PACS2: variants seen among roughly 807,000 people sequenced by gnomAD.
The protein encoded by PACS2 is PACS1-like protein.
In PACS2, 36 loss-of-function variants were observed where a neutral mutation model predicts 113.0. The ratio of observed to expected loss-of-function variants is 0.32; its 90% CI spans 0.24 to 0.42. The LOEUF (loss-of-function observed/expected upper bound fraction) is 0.42. Ranked by LOEUF, PACS2 falls within the 10% of genes least tolerant of loss-of-function variation. The pLI is 1.00. For synonymous variants in PACS2, 589 were observed against 536.1 expected, an observed-to-expected ratio of 1.10 and a Z score of -1.36; for missense variants, 1,015 against 1,239.5, an observed-to-expected ratio of 0.82 and a Z score of 2.72.
intron 1 of PACS2, among the ~76,000 whole-genome samples, chr14:105,341,881 C>T (rs587670883): frequency 6.6e-6 from 1 of 152,186 alleles, no homozygotes; most frequent in African/African-American, 2.4e-5. Flanking sequence ...CAAGCTGCGA[C>T]TTTTTCCTTC....
intron 2 of PACS2, among the ~76,000 whole-genome samples, chr14:105,350,753 T>C (rs1419407614): frequency 6.6e-6 from 1 of 152,128 alleles, no homozygotes; most frequent in East Asian, 1.9e-4. Context: ...TCCCTGCAGG[T>C]CCTCTGAGGG....
intron 1 of PACS2, among the ~76,000 whole-genome samples, chr14:105,301,655 C>G (rs1415747443): frequency 1.3e-5 from 2 of 152,262 alleles, no homozygotes; most frequent in African/African-American, 4.8e-5. Flanking sequence ...CCCCGCTATT[C>G]TCCGTTTTCT....
chr14:105,367,144 C>A, intron 4 of PACS2, 69 bp from the exon 5 acceptor site: 3 of 1,439,968 alleles, frequency 2.1e-6, no homozygotes, highest in Non-Finnish European at 1.9e-6. Flanking sequence ...GAAACCCCAG[C>A]CCACACATCA....
chr14:105,342,995 C>T (rs956591036), intron 1 of PACS2, among the ~76,000 whole-genome samples: 3 of 150,900 alleles, frequency 2.0e-5, no homozygotes, highest in Admixed American at 6.6e-5. Flanking sequence ...CACCTTTTTT[C>T]GTATGCAGCT....
rs782526998 is a variant in PACS2, at chr14:105,389,967, CGAA to C, written c.2043_2045del (p.Glu682del). On this transcript the variant is annotated inframe_deletion, in exon 20 of 25. Coordinates refer to ENST00000447393, the MANE Select transcript of PACS2 (RefSeq NM_001100913.3). Reference sequence around the variant, plus strand: ...TCTGTTTCCTTGCTCTTAGCCCTGACGAAGAGTCCTCCCAAAAGTTCATTCCCT... The same window carrying C: ...TCTGTTTCCTTGCTCTTAGCCCTGACGAGTCCTCCCAAAAGTTCATTCCCT... 1.8e-5 allele frequency: 29 copies of C among 1,613,702 alleles called. No homozygotes were observed. Among genetic ancestry groups the C allele is most frequent in the Non-Finnish European group, 2.2e-5 (26 of 1,179,774 alleles).
chr14:105,312,105 A>T (rs1044359614), upstream of PACS2, among the ~76,000 whole-genome samples: 1 of 152,166 alleles, frequency 6.6e-6, no homozygotes, highest in East Asian at 1.9e-4. Flanking sequence ...TGTCTGTGTC[A>T]TCTTAGCCCA....
In PACS2 at chr14:105,340,178, G is replaced by A. The variant is rs2059670855; in HGVS notation, c.120-8315G>A. Among the ~76,000 whole-genome samples the A allele has an allele frequency of 6.6e-6, 1 of 152,232 alleles. No individual in the cohort carries two copies. The highest frequency in any genetic ancestry group is 2.4e-5 in the African/African-American group (1 of 41,462). On this transcript the variant is annotated intron_variant, in intron 1 of 24. Coordinates refer to ENST00000447393, the MANE Select transcript of PACS2 (RefSeq NM_001100913.3). The surrounding 1 kb of genome is among the most constrained non-coding windows in gnomAD (Gnocchi z 4.2). Reference sequence around the variant, plus strand: ...AAGTATAAACATTGACTAATGGAATGTACCAGCAGAAACACATGCGATCGT... The same window carrying A: ...AAGTATAAACATTGACTAATGGAATATACCAGCAGAAACACATGCGATCGT...
At chr14:105,374,083 A>G (rs938453787) in intron 8 of PACS2, among the ~76,000 whole-genome samples, 16 of 151,332 alleles carry the variant, frequency 1.1e-4, no homozygotes, top group Non-Finnish European at 2.2e-4. Flanking sequence ...TGAACCTGGG[A>G]GGCAGAGGTT....
At chr14:105,379,864 C>G (rs782743053) in intron 10 of PACS2, 35 bp downstream of exon 10, 1 of 1,575,140 alleles carries the variant, frequency 6.3e-7, no homozygotes. Context: ...CAGAGCAGAC[C>G]GTGGTCTGAC....
intron 15 of PACS2, 107 bp from the exon 16 acceptor site, chr14:105,383,252 C>CG: frequency 2.3e-6 from 3 of 1,292,194 alleles, no homozygotes; most frequent in Non-Finnish European, 3.3e-6. Context: ...GTGGCATGAG[C>CG]GGCCACAGGC....
At position 105,385,716 on chromosome 14, in the gene PACS2, A is replaced by G. The variant is rs1555413452; in HGVS notation, c.2032A>G (p.Ser678Gly). The G allele has an allele frequency of 1.3e-6, 2 of 1,514,446 alleles. No homozygotes were observed. Among genetic ancestry groups the G allele is most frequent in the African/African-American group, 1.4e-5 (1 of 72,270 alleles). The allele number at this position is 1,514,446 out of a possible 1,614,324, so 93.8% of individuals were successfully genotyped here. ...GCATTTTCATTTTGACTTTACCCTAAGGTACGGCTCTGTGGGTCTGCCTCC... is the reference window on the plus strand; with the variant it reads ...GCATTTTCATTTTGACTTTACCCTAGGGTACGGCTCTGTGGGTCTGCCTCC... ...KKHFHFDFTL[S>G]PDEESSQKFI... is the part of the protein sequence containing the mutation. Residue 678 changes from serine to glycine, a missense_variant and splice_region_variant, in exon 19 of 25, where the codon AGC becomes GGC. Physicochemically the swap from Ser to Gly is moderately conservative, Grantham distance 56 (BLOSUM62 0). This residue lies in a region of PACS2 where 859 missense variants were observed against 1,056.8 expected (regional missense o/e 0.81). Coordinates refer to ENST00000447393, the MANE Select transcript of PACS2 (RefSeq NM_001100913.3).
intron 8 of PACS2, among the ~76,000 whole-genome samples, chr14:105,374,165 A>C (rs1438402797): frequency 6.6e-6 from 1 of 152,066 alleles, no homozygotes; most frequent in East Asian, 1.9e-4. Context: ...AAAAAAAAAA[A>C]AAAAAACTTG....
Position 105,355,505 on chromosome 14 carries a change from C to T in PACS2, c.423+328C>T, listed in dbSNP as rs1555405188. 6.6e-6 allele frequency among the ~76,000 whole-genome samples: 1 copy of T among 152,228 alleles called. No homozygotes were observed. Among genetic ancestry groups the T allele is most frequent in the East Asian group, 1.9e-4 (1 of 5,190 alleles). ...TGGAGTCCTTCCCATGGAGGAATCG[C>T]TGCTGTCCCCACACCACGGGTGCGT... On this transcript the variant is annotated intron_variant, in intron 4 of 24. Coordinates refer to ENST00000447393, the MANE Select transcript of PACS2 (RefSeq NM_001100913.3). This position sits in a 1 kb window ranked among gnomAD's most constrained non-coding sequence, Gnocchi z 4.1.
rs587743922 is a variant in PACS2, at chr14:105,357,928, C to T, written c.423+2751C>T. Among the ~76,000 whole-genome samples the T allele has an allele frequency of 7.9e-5, 12 of 152,106 alleles. No individual in the cohort carries two copies. The highest frequency in any genetic ancestry group is 6.2e-4 in the South Asian group (3 of 4,820). On this transcript the variant is annotated intron_variant, in intron 4 of 24. Coordinates refer to ENST00000447393, the MANE Select transcript of PACS2 (RefSeq NM_001100913.3). This position sits in a 1 kb window ranked among gnomAD's most constrained non-coding sequence, Gnocchi z 5.1. ...GGGTGGGGTGAGGCGGGCTGTTGGG[C>T]GGACTCGAGGCCAGGGCTGAGAGTG...
chr14:105,326,504 G>C (rs1159429313), intron 1 of PACS2, among the ~76,000 whole-genome samples: 3 of 152,266 alleles, frequency 2.0e-5, no homozygotes, highest in South Asian at 4.1e-4. Flanking sequence ...TGAGCACCAA[G>C]GAGAGGGATG....
At chr14:105,384,271 G>T (rs2081094763) in intron 16 of PACS2, 82 bp from the exon 17 acceptor site, 2 of 792,276 alleles carry the variant, frequency 2.5e-6, no homozygotes, top group Admixed American at 4.2e-5. Context: ...CTGGGGTCGG[G>T]TGGCCCAGCT....
chr14:105,394,093 C>A, intron 24 of PACS2: 1 of 424,202 alleles, frequency 2.4e-6, no homozygotes, highest in Non-Finnish European at 3.1e-6. Context: ...GTAACTGTTT[C>A]AGAAACGGAG....
Position 105,392,832 on chromosome 14 carries a change from G to C in PACS2, c.2469G>C (p.Glu823Asp). Residue 823 changes from glutamate (E) to aspartate (D), a missense_variant, in exon 23 of 25, where the codon GAG becomes GAC. By Grantham distance (45) the Glu-to-Asp change is conservative. Around this residue, in one of 3 missense-constraint regions of PACS2, gnomAD observed 859 missense variants for 1,056.8 expected, o/e 0.81. Transcript: ENST00000447393. ...PTMSMTVVTKEKNKKVMFLPK... is the reference protein window; with the variant it reads ...PTMSMTVVTKDKNKKVMFLPK... ...TGTCCATGACCGTGGTCACCAAGGAGAAGAACAAGAAGGGTGAGGTGGGGC... is the reference window on the plus strand; with the variant it reads ...TGTCCATGACCGTGGTCACCAAGGACAAGAACAAGAAGGGTGAGGTGGGGC... 6.2e-7 allele frequency: 1 copy of C among 1,602,496 alleles called. No individual in the cohort carries two copies. Among genetic ancestry groups the C allele is most frequent in the Non-Finnish European group, 8.5e-7 (1 of 1,178,818 alleles).
chr14:105,353,662 T>A (rs868964443), intron 3 of PACS2, among the ~76,000 whole-genome samples: 1 of 152,028 alleles, frequency 6.6e-6, no homozygotes, highest in Non-Finnish European at 1.5e-5. Context: ...GGTGCAGTCT[T>A]GGCTCACTGC....
Sources: gnomAD v4.1 joint callset for allele counts (sites outside exome capture counted in the v4.1 genomes callset) on GRCh38, gnomAD v4.1.1 for gene constraint, gnomAD v4.1.1 regional missense constraint, Gnocchi (gnomAD v3.1) non-coding constraint, MANE v1.5 for transcripts, NCBI Gene and HGNC (gene_info 2026-07-23, HGNC 2026-07-21) for gene names.